The following XXYLT1 variants were observed in gnomAD, a reference collection of about 807,000 sequenced individuals.
XXYLT1 encodes the protein xyloside xylosyltransferase 1.
In XXYLT1, 20 loss-of-function variants were observed where a neutral mutation model predicts 28.9. That is an observed-to-expected ratio of 0.69 (90% CI 0.49 to 1.00). The LOEUF is 1.00. Among genes scored for constraint, XXYLT1 ranks in the 50% least tolerant of loss-of-function variants. The pLI is 0.00. For synonymous variants in XXYLT1, 257 were observed against 253.8 expected, an observed-to-expected ratio of 1.01 and a Z score of -0.12; for missense variants, 542 against 560.1, an observed-to-expected ratio of 0.97 and a Z score of 0.33.
Position 195,069,319 on chromosome 3 carries a change from C to T in XXYLT1, c.*396G>A, listed in dbSNP as rs147946816. 2,084 of 190,986 alleles carry T rather than the reference C, an allele frequency of 0.011. 15 individuals carry two copies. Among genetic ancestry groups the T allele is most frequent in the Middle Eastern group, 0.026 (12 of 454 alleles). 11.8% of individuals were successfully genotyped at this position (190,986 alleles called of 1,614,324 possible). On this transcript the variant is annotated 3_prime_UTR_variant, in exon 4 of 4. Transcript: ENST00000310380. ...TAAAGCAGTTCTGTTTGTACTTTCT[C>T]GAAAAATGGAAGGCTGTCAATTTAA...
chr3:195,100,768 T>C (rs1323480741), intron 3 of XXYLT1, among the ~76,000 whole-genome samples: 1 of 152,236 alleles, frequency 6.6e-6, no homozygotes, highest in East Asian at 1.9e-4. Context: ...CCCCCAAGCC[T>C]TGGACTATGT....
At chr3:195,237,425 C>T (rs1036331254) in intron 1 of XXYLT1, among the ~76,000 whole-genome samples, 4 of 152,224 alleles carry the variant, frequency 2.6e-5, no homozygotes, top group African/African-American at 9.6e-5. Flanking sequence ...ATGTGGCCAC[C>T]GCCACAGGGA....
chr3:195,079,016 C>T (rs1406717497), intron 3 of XXYLT1, among the ~76,000 whole-genome samples: 1 of 152,228 alleles, frequency 6.6e-6, no homozygotes, highest in Non-Finnish European at 1.5e-5. Flanking sequence ...TCCTGACCCA[C>T]CCTGCACAGA....
At chr3:195,120,094 G>C (rs1029551427) in intron 3 of XXYLT1, among the ~76,000 whole-genome samples, 17 of 152,144 alleles carry the variant, frequency 1.1e-4, no homozygotes, top group African/African-American at 3.9e-4. Context: ...AAAACAAAAA[G>C]CTTAGATTTC....
intron 3 of XXYLT1, among the ~76,000 whole-genome samples, chr3:195,119,480 T>G (rs984534329): frequency 2.0e-5 from 3 of 151,890 alleles, no homozygotes; most frequent in Non-Finnish European, 4.4e-5. Flanking sequence ...AGTGACTGGG[T>G]GATAACATGA....
intron 2 of XXYLT1, among the ~76,000 whole-genome samples, chr3:195,212,294 G>A (rs997863766): frequency 6.6e-6 from 1 of 152,202 alleles, no homozygotes; most frequent in Non-Finnish European, 1.5e-5. Flanking sequence ...GATCGGATCC[G>A]ACAGGATGGG....
In XXYLT1 at chr3:195,257,523, C is replaced by A. The variant is rs1449857194; in HGVS notation, c.504+13032G>T. On this transcript the variant is annotated intron_variant, in intron 1 of 3. Coordinates refer to ENST00000310380, the MANE Select transcript of XXYLT1 (RefSeq NM_152531.5). The surrounding 1 kb of genome is among the most constrained non-coding windows in gnomAD (Gnocchi z 4.3). ...GAATGGGTGATCCGGGGAAGAAGCCCCTGAGCAAAGTCCCAGAGATGGGAA... is the reference window on the plus strand; with the variant it reads ...GAATGGGTGATCCGGGGAAGAAGCCACTGAGCAAAGTCCCAGAGATGGGAA... 6.6e-6 allele frequency among the ~76,000 whole-genome samples: 1 copy of A among 152,122 alleles called. No individual in the cohort carries two copies. Among genetic ancestry groups the A allele is most frequent in the African/African-American group, 2.4e-5 (1 of 41,412 alleles).
chr3:195,157,230 A>C (rs2004553), intron 2 of XXYLT1, among the ~76,000 whole-genome samples: 18,194 of 138,440 alleles, frequency 0.13, 1,479 homozygotes, highest in East Asian at 0.27. Flanking sequence ...GCAACAGAGC[A>C]AGGCGCCATC....
intron 3 of XXYLT1, among the ~76,000 whole-genome samples, chr3:195,098,603 T>C (rs1716590227): frequency 6.6e-6 from 1 of 152,208 alleles, no homozygotes; most frequent in African/African-American, 2.4e-5. Context: ...ATGTATATAT[T>C]TGACCATAAT....
In XXYLT1 at chr3:195,090,435, C is replaced by T. The variant is rs1716067288; in HGVS notation, c.786-20324G>A. The stretch of plus-strand genomic sequence containing the variant: ...CCTGCTCCTGAATGACTACTGGGTA[C>T]ATAACGAAATGAAGGCAGAAATAAA... On this transcript the variant is annotated intron_variant, in intron 3 of 3. Coordinates refer to ENST00000310380, the MANE Select transcript of XXYLT1 (RefSeq NM_152531.5). Among the ~76,000 whole-genome samples the T allele has an allele frequency of 2.0e-5, 3 of 150,446 alleles. No homozygotes were observed. The South Asian group carries it at 6.3e-4, about 32-fold the overall frequency.
At chr3:195,153,344 C>G (rs567516874) in intron 3 of XXYLT1, among the ~76,000 whole-genome samples, 26 of 152,320 alleles carry the variant, frequency 1.7e-4, no homozygotes, top group Non-Finnish European at 2.6e-4. Flanking sequence ...AGACTGCAAA[C>G]GTTACAAGGC....
intron 3 of XXYLT1, among the ~76,000 whole-genome samples, chr3:195,079,952 C>T (rs1358677750): frequency 2.0e-5 from 3 of 152,008 alleles, no homozygotes; most frequent in African/African-American, 2.4e-5. Flanking sequence ...GAGGGCCTGG[C>T]GTGGGCATCT....
chr3:195,226,909 G>C, intron 1 of XXYLT1, 53 bp from the exon 2 acceptor site: 1 of 1,589,252 alleles, frequency 6.3e-7, no homozygotes, highest in Non-Finnish European at 8.6e-7. Context: ...CTCACTGCAA[G>C]CTCAACACCC....
At chr3:195,081,221 A>AAC (rs1035089698) in intron 3 of XXYLT1, among the ~76,000 whole-genome samples, 13 of 152,138 alleles carry the variant, frequency 8.5e-5, no homozygotes, top group East Asian at 1.9e-4. Flanking sequence ...ATCACACTAA[A>AAC]AAAAAAAAAG....
intron 2 of XXYLT1, among the ~76,000 whole-genome samples, chr3:195,171,180 A>G (rs1284485793): frequency 6.6e-6 from 1 of 152,214 alleles, no homozygotes; most frequent in East Asian, 1.9e-4. Context: ...CCTGGACCGC[A>G]CGCTTCGGGA....
At chr3:195,072,164 G>A (rs111787371) in intron 3 of XXYLT1, among the ~76,000 whole-genome samples, 9 of 152,288 alleles carry the variant, frequency 5.9e-5, no homozygotes, top group South Asian at 2.1e-4. Flanking sequence ...AAAGGCAGGC[G>A]TGGGGTGGAC....
rs543044566 is a variant in XXYLT1 at position 195,251,145 on chromosome 3, G to A, written c.504+19410C>T. Among the ~76,000 whole-genome samples, 63 of 152,314 alleles carry A rather than the reference G, an allele frequency of 4.1e-4. 1 individual carries two copies. Among genetic ancestry groups the A allele is most frequent in the Non-Finnish European group, 7.1e-4 (48 of 68,016 alleles). The stretch of plus-strand genomic sequence containing the variant: ...GGAAGGAGACAGCCAAGTCATCCTC[G>A]CACGAGGCCCCTGCTGCCCCGCGGG... On this transcript the variant is annotated intron_variant, in intron 1 of 3. Coordinates refer to ENST00000310380, the MANE Select transcript of XXYLT1 (RefSeq NM_152531.5).
intron 2 of XXYLT1, among the ~76,000 whole-genome samples, chr3:195,188,258 T>C (rs546550783): frequency 1.3e-5 from 2 of 152,260 alleles, no homozygotes; most frequent in South Asian, 2.1e-4. Context: ...GCTGAAACAA[T>C]CCTCTGTGCT....
At chr3:195,146,500 G>T (rs1162060766) in intron 3 of XXYLT1, among the ~76,000 whole-genome samples, 1 of 152,198 alleles carries the variant, frequency 6.6e-6, no homozygotes, top group South Asian at 2.1e-4. Flanking sequence ...GACAGGGTCT[G>T]GTTTCTCTCT....
Sources: allele counts gnomAD v4.1 joint callset (sites outside exome capture counted in the v4.1 genomes callset), GRCh38; gene constraint gnomAD v4.1.1; non-coding constraint Gnocchi (gnomAD v3.1); transcripts MANE v1.5; gene names NCBI Gene and HGNC (gene_info 2026-07-23, HGNC 2026-07-21).